IL1RAP: variants seen among roughly 807,000 people sequenced by gnomAD.
The protein encoded by IL1RAP is interleukin 1 receptor accessory protein, also known as interleukin-1 receptor accessory protein.
IL1RAP carries 35 observed loss-of-function variants against 60.7 expected under a neutral mutation model. The observed-to-expected ratio is 0.58, with a 90% CI of 0.44 to 0.76. The LOEUF is 0.76. IL1RAP is among the 30% of genes least tolerant of loss of function. The pLI, the probability that IL1RAP is intolerant of heterozygous loss-of-function variation, is 0.00. For missense variants in IL1RAP, 572 were observed against 693.9 expected (o/e 0.82, Z 1.97); for synonymous variants, 268 against 250.9 (o/e 1.07, Z -0.64).
Position 190,585,003 on chromosome 3 carries a change from G to A in IL1RAP, c.65-19125G>A, listed in dbSNP as rs1368577307. Among the ~76,000 whole-genome samples, 2 of 152,122 alleles carry A rather than the reference G, an allele frequency of 1.3e-5. 1 individual carries two copies. The highest frequency in any genetic ancestry group is 4.2e-4 in the South Asian group (2 of 4,814). ...AGGTATCCAAATATTTATAACCCAC[G>A]AAATAATGTCCCGAGTGCCATAGGG... On this transcript the variant is annotated intron_variant, in intron 3 of 11. Transcript: ENST00000447382.
At chr3:190,597,565 C>T (rs896279512) in intron 3 of IL1RAP, among the ~76,000 whole-genome samples, 4 of 152,116 alleles carry the variant, frequency 2.6e-5, no homozygotes, top group Non-Finnish European at 5.9e-5. Flanking sequence ...AGAGATTATG[C>T]TGGGGATTTC....
chr3:190,534,903 G>A (rs186535592), intron 1 of IL1RAP, among the ~76,000 whole-genome samples: 12 of 132,558 alleles, frequency 9.1e-5, no homozygotes, highest in Middle Eastern at 3.7e-3. Context: ...AAGATAAAGT[G>A]TAAGAGAATT....
intron 3 of IL1RAP, among the ~76,000 whole-genome samples, chr3:190,566,744 A>G (rs1726439842): frequency 6.6e-6 from 1 of 152,214 alleles, no homozygotes; most frequent in African/African-American, 2.4e-5. Flanking sequence ...AGGAACAAAA[A>G]GGACATGTTG....
At chr3:190,582,994 A>G (rs1396029217) in intron 3 of IL1RAP, among the ~76,000 whole-genome samples, 2 of 152,024 alleles carry the variant, frequency 1.3e-5, no homozygotes, top group African/African-American at 4.8e-5. Context: ...TCACATCTTC[A>G]TTCTATTTCA....
chr3:190,584,607 T>A (rs1355318554), intron 3 of IL1RAP, among the ~76,000 whole-genome samples: 3 of 152,240 alleles, frequency 2.0e-5, no homozygotes, highest in African/African-American at 7.2e-5. Flanking sequence ...TACATTTATA[T>A]AATGACTAAT....
intron 1 of IL1RAP, among the ~76,000 whole-genome samples, chr3:190,537,744 T>G (rs1577534159): frequency 6.6e-6 from 1 of 152,184 alleles, no homozygotes; most frequent in Admixed American, 6.5e-5. Context: ...TTTTTACAGC[T>G]GAAATGTGCC....
At chr3:190,603,029 A>G (rs77531693) in intron 3 of IL1RAP, among the ~76,000 whole-genome samples, 10,107 of 152,156 alleles carry the variant, frequency 0.066, 467 homozygotes, top group East Asian at 0.14. Context: ...CTTTAAAAGA[A>G]GTTTGTTTTT....
At chr3:190,579,945 A>G (rs1727846292) in intron 3 of IL1RAP, among the ~76,000 whole-genome samples, 1 of 152,238 alleles carries the variant, frequency 6.6e-6, no homozygotes, top group Admixed American at 6.5e-5. Context: ...AATATTCATC[A>G]TTGAATCATA....
chr3:190,537,078 C>A (rs1425655693), intron 1 of IL1RAP, among the ~76,000 whole-genome samples: 1 of 152,000 alleles, frequency 6.6e-6, no homozygotes, highest in Admixed American at 6.6e-5. Flanking sequence ...AACTTGGAAC[C>A]TCTTACTAAG....
chr3:190,584,584 G>A (rs1728286199), intron 3 of IL1RAP, among the ~76,000 whole-genome samples: 1 of 152,152 alleles, frequency 6.6e-6, no homozygotes, highest in Non-Finnish European at 1.5e-5. Flanking sequence ...AGTATCTTGT[G>A]TGATTTTTAA....
intron 8 of IL1RAP, among the ~76,000 whole-genome samples, chr3:190,628,758 C>T (rs904741604): frequency 2.0e-5 from 3 of 152,206 alleles, no homozygotes; most frequent in African/African-American, 7.2e-5. Flanking sequence ...TTGGGAATCA[C>T]TGAAATGCAT....
At chr3:190,638,282 A>G (rs1733384819) in intron 9 of IL1RAP, among the ~76,000 whole-genome samples, 1 of 151,986 alleles carries the variant, frequency 6.6e-6, no homozygotes, top group Non-Finnish European at 1.5e-5. Context: ...TGGTGTTGTC[A>G]GCCTTCTTTG....
chr3:190,548,805 C>T (rs530109396), intron 1 of IL1RAP, among the ~76,000 whole-genome samples: 2 of 152,284 alleles, frequency 1.3e-5, no homozygotes, highest in African/African-American at 4.8e-5. Context: ...AAAGTTAAGA[C>T]TTATTTCCTT....
At chr3:190,542,733 A>G (rs549873117) in intron 1 of IL1RAP, among the ~76,000 whole-genome samples, 2 of 152,234 alleles carry the variant, frequency 1.3e-5, no homozygotes, top group South Asian at 4.1e-4. Flanking sequence ...GAGTTTGGGT[A>G]GTGATTTGAA....
chr3:190,655,971 G>C (rs778361428), downstream of IL1RAP: 1 of 1,537,252 alleles, frequency 6.5e-7, no homozygotes, highest in South Asian at 1.2e-5. Flanking sequence ...TGACAGAAAA[G>C]AGCATCAGCA....
intron 9 of IL1RAP, among the ~76,000 whole-genome samples, chr3:190,640,037 C>T (rs943518881): frequency 6.6e-6 from 1 of 152,208 alleles, no homozygotes; most frequent in South Asian, 2.1e-4. Context: ...TGTATTTGGC[C>T]GAAGACTCGA....
chr3:190,570,981 C>T (rs1047138347), intron 3 of IL1RAP, among the ~76,000 whole-genome samples: 2 of 152,106 alleles, frequency 1.3e-5, no homozygotes, highest in African/African-American at 4.8e-5. Context: ...GAGATTTGGA[C>T]TTGCCACCCA....
chr3:190,563,058 G>C lies in IL1RAP; in HGVS notation c.-1-1231G>C, dbSNP rs58579714. Among the ~76,000 whole-genome samples the C allele has an allele frequency of 3.8e-3, 582 of 151,994 alleles. 4 individuals are homozygous for C. The highest frequency in any genetic ancestry group is 0.013 in the African/African-American group (551 of 41,432). ...GTTGGAAACTTGCATAGTCCTTTAG[G>C]GTGGCCACACCTCTTGGATTCCTTG... is the stretch of plus-strand genomic sequence containing the variant. On this transcript the variant is annotated intron_variant, in intron 2 of 11. Coordinates refer to ENST00000447382, the MANE Select transcript of IL1RAP (RefSeq NM_002182.4).
chr3:190,528,574 A>G (rs1722705320), intron 1 of IL1RAP, among the ~76,000 whole-genome samples: 1 of 152,220 alleles, frequency 6.6e-6, no homozygotes, highest in South Asian at 2.1e-4. Context: ...ATTTTCTGAG[A>G]AACTTCTGTA....
Sources: allele counts gnomAD v4.1 joint callset (sites outside exome capture counted in the v4.1 genomes callset), GRCh38; gene constraint gnomAD v4.1.1; transcripts MANE v1.5; gene names NCBI Gene and HGNC (gene_info 2026-07-23, HGNC 2026-07-21).